C1QTNF3: variants seen among roughly 807,000 people sequenced by gnomAD.
C1QTNF3 encodes complement C1q tumor necrosis factor-related protein 3.
A neutral mutation model predicts 32.6 loss-of-function variants in C1QTNF3; 26 were observed. That is an observed-to-expected ratio of 0.80 (90% CI 0.58 to 1.11). The LOEUF (loss-of-function observed/expected upper bound fraction) is 1.11. Ranked by LOEUF, C1QTNF3 falls within the 50% of genes least tolerant of loss-of-function variation. The probability of loss-of-function intolerance (pLI) is 0.00; values close to 1 mark genes in which losing one functional copy is unlikely to be tolerated. For synonymous variants in C1QTNF3, 155 were observed against 146.0 expected, an observed-to-expected ratio of 1.06 and a Z score of -0.44; for missense variants, 362 against 398.2, an observed-to-expected ratio of 0.91 and a Z score of 0.77.
the C1QTNF3 span, among the ~76,000 whole-genome samples, chr5:34,087,649 A>T: frequency 3.5e-5 from 5 of 143,516 alleles, no homozygotes; most frequent in South Asian, 1.1e-3. Context: ...TCATGGCTCA[A>T]TCAGCCTTGA....
intron 4 of C1QTNF3, among the ~76,000 whole-genome samples, chr5:34,028,158 A>G (rs1300429904): frequency 6.6e-6 from 1 of 152,060 alleles, no homozygotes; most frequent in Non-Finnish European, 1.5e-5. Flanking sequence ...ATTTTTAGTA[A>G]AGACGGGGTT....
the C1QTNF3 span, among the ~76,000 whole-genome samples, chr5:34,244,401 C>CT: frequency 6.6e-6 from 1 of 152,154 alleles, no homozygotes; most frequent in Non-Finnish European, 1.5e-5. Context: ...GAAAGGGACC[C>CT]TAGCACGTTG....
chr5:34,115,928 A>G, the C1QTNF3 span, among the ~76,000 whole-genome samples: 1 of 152,108 alleles, frequency 6.6e-6, no homozygotes, highest in Non-Finnish European at 1.5e-5. Context: ...TTATTTCTAT[A>G]AATTTTCTCT....
intron 1 of C1QTNF3, among the ~76,000 whole-genome samples, chr5:34,040,814 AC>A (rs1423163678): frequency 1.1e-5 from 1 of 92,500 alleles, no homozygotes; most frequent in South Asian, 2.7e-4. Flanking sequence ...CTGTTGCAGC[AC>A]TTTTTTTTTT....
the C1QTNF3 span, among the ~76,000 whole-genome samples, chr5:34,226,445 C>T: frequency 6.6e-6 from 1 of 151,762 alleles, no homozygotes; most frequent in African/African-American, 2.4e-5. Context: ...TAACTATCTA[C>T]AAAATGCTTT....
chr5:34,135,631 A>T, the C1QTNF3 span, among the ~76,000 whole-genome samples: 1 of 151,302 alleles, frequency 6.6e-6, no homozygotes, highest in African/African-American at 2.4e-5. Context: ...GTTCATATGA[A>T]ACCAAAAAGG....
At chr5:34,202,745 CAAT>C in the C1QTNF3 span, among the ~76,000 whole-genome samples, 5 of 151,746 alleles carry the variant, frequency 3.3e-5, no homozygotes, top group Non-Finnish European at 4.4e-5. Flanking sequence ...AAAAAGTGAC[CAAT>C]AATAATAAGC....
At chr5:34,177,892 G>C in the C1QTNF3 span, among the ~76,000 whole-genome samples, 2 of 152,084 alleles carry the variant, frequency 1.3e-5, no homozygotes, top group Non-Finnish European at 2.9e-5. Context: ...CAAAGGGCTA[G>C]CATTCCAGGT....
At chr5:34,224,989 G>T in the C1QTNF3 span, among the ~76,000 whole-genome samples, 1 of 152,006 alleles carries the variant, frequency 6.6e-6, no homozygotes, top group Non-Finnish European at 1.5e-5. Flanking sequence ...AAAAGTGGGC[G>T]AAGGACATGA....
At chr5:34,115,410 C>T in the C1QTNF3 span, among the ~76,000 whole-genome samples, 8 of 152,018 alleles carry the variant, frequency 5.3e-5, no homozygotes, top group East Asian at 3.9e-4. Context: ...GAGGTGAGGA[C>T]GGACATCTTC....
At chr5:34,021,477 C>T (rs954027244) in intron 5 of C1QTNF3, among the ~76,000 whole-genome samples, 3 of 152,156 alleles carry the variant, frequency 2.0e-5, no homozygotes, top group South Asian at 2.1e-4. Flanking sequence ...ATAATGTCTA[C>T]GTGATTAGGG....
the C1QTNF3 span, chr5:34,218,496 G>A: frequency 2.0e-5 from 3 of 151,956 alleles, no homozygotes; most frequent in Non-Finnish European, 2.9e-5. Flanking sequence ...ACAAAAGTTT[G>A]TGAATTGAGA....
At chr5:34,183,041 T>G in the C1QTNF3 span, among the ~76,000 whole-genome samples, 1 of 150,934 alleles carries the variant, frequency 6.6e-6, no homozygotes, top group African/African-American at 2.4e-5. Context: ...TGCAGTGGCA[T>G]GATCTGGACT....
chr5:34,080,528 A>G, the C1QTNF3 span, among the ~76,000 whole-genome samples: 1 of 151,746 alleles, frequency 6.6e-6, no homozygotes, highest in Admixed American at 6.6e-5. Context: ...ATGTGCTACA[A>G]TACCTCTAAA....
chr5:34,070,708 T>C, the C1QTNF3 span, among the ~76,000 whole-genome samples: 2 of 151,834 alleles, frequency 1.3e-5, no homozygotes, highest in African/African-American at 4.8e-5. Flanking sequence ...GGTTACTTGT[T>C]AAGTGATGAT....
the C1QTNF3 span, among the ~76,000 whole-genome samples, chr5:34,229,165 C>T: frequency 2.0e-5 from 3 of 152,044 alleles, no homozygotes; most frequent in African/African-American, 7.2e-5. Context: ...ACTTCTGTCA[C>T]TAAACCTTTA....
the C1QTNF3 span, chr5:34,175,523 T>A: frequency 3.3e-6 from 1 of 302,730 alleles, no homozygotes; most frequent in Non-Finnish European, 6.3e-6. Context: ...GGTCCAGTGT[T>A]TCCTTCATCC....
chr5:34,212,999 CT>C, the C1QTNF3 span, among the ~76,000 whole-genome samples: 2 of 152,136 alleles, frequency 1.3e-5, no homozygotes, highest in South Asian at 4.1e-4. Flanking sequence ...ATTCATTAGA[CT>C]TTTAAAATCA....
the C1QTNF3 span, among the ~76,000 whole-genome samples, chr5:34,119,904 T>TA: frequency 6.6e-6 from 1 of 152,192 alleles, no homozygotes; most frequent in Non-Finnish European, 1.5e-5. Flanking sequence ...TTAACTCCCT[T>TA]AAGCGATGTA....
Sources: gnomAD v4.1 joint callset for allele counts (sites outside exome capture counted in the v4.1 genomes callset) on GRCh38, gnomAD v4.1.1 for gene constraint, MANE v1.5 for transcripts, NCBI Gene and HGNC (gene_info 2026-07-23, HGNC 2026-07-21) for gene names.